The following MAST2 variants were observed in gnomAD, a reference collection of about 807,000 sequenced individuals.
MAST2 encodes the protein microtubule associated serine/threonine kinase 2.
Under a neutral mutation model 147.4 loss-of-function variants are expected in MAST2, and 70 were observed. That is an observed-to-expected ratio of 0.47 (90% CI 0.39 to 0.58). MAST2 has a LOEUF of 0.58. MAST2 is among the 20% of genes least tolerant of loss of function. MAST2 has a pLI of 0.00. For missense variants in MAST2, 2,080 were observed against 2,302.3 expected (o/e 0.90, Z 1.98); for synonymous variants, 869 against 896.8 (o/e 0.97, Z 0.55).
At chr1:45,977,060 T>C (rs1644190475) in intron 5 of MAST2, among the ~76,000 whole-genome samples, 1 of 152,246 alleles carries the variant, frequency 6.6e-6, no homozygotes, top group South Asian at 2.1e-4. Context: ...AGGTGAATTA[T>C]AATTTTAAAT....
chr1:45,952,373 GGGAGAATGGGAT>G (rs913330016), intron 4 of MAST2, among the ~76,000 whole-genome samples: 22 of 152,106 alleles, frequency 1.4e-4, no homozygotes, highest in Non-Finnish European at 2.9e-4. Flanking sequence ...GTTGGTTGTG[GGGAGAATGGGAT>G]GGAGAATGAC....
At chr1:45,996,819 C>G (rs1645075693) in intron 5 of MAST2, among the ~76,000 whole-genome samples, 1 of 152,086 alleles carries the variant, frequency 6.6e-6, no homozygotes, top group South Asian at 2.1e-4. Context: ...CATCCATACA[C>G]TGTGCAGGAA....
chr1:46,016,105 G>A (rs1645927953), intron 10 of MAST2, among the ~76,000 whole-genome samples: 1 of 151,420 alleles, frequency 6.6e-6, no homozygotes, highest in Non-Finnish European at 1.5e-5. Flanking sequence ...TGCAGAAAAG[G>A]CCTTTGACAA....
At chr1:45,820,417 G>A (rs1644585680) in intron 1 of MAST2, among the ~76,000 whole-genome samples, 1 of 152,056 alleles carries the variant, frequency 6.6e-6, no homozygotes, top group Non-Finnish European at 1.5e-5. Context: ...TTGCTATGGG[G>A]ATTACATGTA....
intron 4 of MAST2, 72 bp downstream of exon 4, chr1:45,882,467 T>G: frequency 8.4e-7 from 1 of 1,187,202 alleles, no homozygotes; most frequent in Admixed American, 1.8e-5. Flanking sequence ...CATTTCCCAC[T>G]ATCATGTGGA....
intron 3 of MAST2, among the ~76,000 whole-genome samples, chr1:45,878,679 T>G (rs1157702532): frequency 6.6e-6 from 1 of 152,068 alleles, no homozygotes; most frequent in East Asian, 1.9e-4. Context: ...AATATAAAAA[T>G]TAATTGAATT....
intron 16 of MAST2, 45 bp from the exon 17 acceptor site, chr1:46,027,686 G>A: frequency 6.3e-7 from 1 of 1,591,660 alleles, no homozygotes; most frequent in East Asian, 2.2e-5. Flanking sequence ...AGTACTCTCA[G>A]AAAACCAGGA....
rs550930038 is a variant in MAST2, at chr1:45,988,693, T to C, written c.593-9031T>C. Reference sequence around the variant, plus strand: ...TTATATCAGTATGAACTAATAGGTATTTATTATCTAGATCAGACTGTAATC... The same window carrying C: ...TTATATCAGTATGAACTAATAGGTACTTATTATCTAGATCAGACTGTAATC... On this transcript the variant is annotated intron_variant, in intron 5 of 28. Transcript: ENST00000361297. 3.2e-4 allele frequency among the ~76,000 whole-genome samples: 48 copies of C among 152,336 alleles called. 1 individual carries two copies. In the South Asian group the frequency reaches 8.7e-3, roughly 28 times the overall value.
At chr1:46,014,034 A>C (rs1354842690) in intron 10 of MAST2, among the ~76,000 whole-genome samples, 1 of 152,160 alleles carries the variant, frequency 6.6e-6, no homozygotes, top group Admixed American at 6.5e-5. Flanking sequence ...AATAATCCTA[A>C]TTAGGCATTC....
At chr1:45,994,982 G>C (rs1313187952) in intron 5 of MAST2, among the ~76,000 whole-genome samples, 1 of 151,990 alleles carries the variant, frequency 6.6e-6, no homozygotes, top group African/African-American at 2.4e-5. Flanking sequence ...GGGACTACAG[G>C]CGCCCGCCAC....
chr1:46,022,276 G>A (rs996282509), intron 12 of MAST2, among the ~76,000 whole-genome samples, 194 bp downstream of exon 12: 1 of 152,204 alleles, frequency 6.6e-6, no homozygotes, highest in Non-Finnish European at 1.5e-5. Flanking sequence ...GTTCACATCT[G>A]CCTGATAGAT....
At chr1:45,925,527 AAG>A (rs898630800) in intron 4 of MAST2, among the ~76,000 whole-genome samples, 4 of 152,152 alleles carry the variant, frequency 2.6e-5, no homozygotes, top group African/African-American at 9.7e-5. Flanking sequence ...GGTGTCCTTG[AAG>A]AGAGGAGGCA....
chr1:45,891,040 T>C (rs1647685602), intron 4 of MAST2, among the ~76,000 whole-genome samples: 1 of 152,142 alleles, frequency 6.6e-6, no homozygotes, highest in Non-Finnish European at 1.5e-5. Context: ...ATTAGCCAGT[T>C]CAAAGAAGTA....
intron 4 of MAST2, among the ~76,000 whole-genome samples, chr1:45,900,172 T>TTAAAAAAA (rs1557883401): frequency 3.4e-4 from 6 of 17,526 alleles, no homozygotes; most frequent in Admixed American, 2.6e-3. Flanking sequence ...TCTCTCTCTC[T>TTAAAAAAA]CAAAAAAAAA....
At chr1:46,002,661 G>A in intron 6 of MAST2, 144 bp from the exon 7 acceptor site, 1 of 666,210 alleles carries the variant, frequency 1.5e-6, no homozygotes, top group East Asian at 2.6e-5. Context: ...AGATATAAAA[G>A]CATGTACTGG....
At chr1:45,905,316 C>G (rs539946463) in intron 4 of MAST2, among the ~76,000 whole-genome samples, 1 of 151,760 alleles carries the variant, frequency 6.6e-6, no homozygotes, top group African/African-American at 2.4e-5. Flanking sequence ...TCCCAAGTAG[C>G]TGGGAGTACA....
At chr1:45,834,485 C>A (rs150122696) in intron 3 of MAST2, among the ~76,000 whole-genome samples, 525 of 152,124 alleles carry the variant, frequency 3.5e-3, no homozygotes, top group Middle Eastern at 0.01. Context: ...TATGTAGGAA[C>A]CATGATCCTA....
chr1:46,007,781 A>G (rs1256641966), intron 8 of MAST2, among the ~76,000 whole-genome samples: 1 of 152,206 alleles, frequency 6.6e-6, no homozygotes, highest in African/African-American at 2.4e-5. Flanking sequence ...CCTTCAGTAA[A>G]TCACCCAGAT....
intron 1 of MAST2, among the ~76,000 whole-genome samples, chr1:45,821,214 A>T (rs1288148798): frequency 1.3e-5 from 2 of 151,544 alleles, no homozygotes; most frequent in African/African-American, 4.9e-5. Context: ...TTTTTTCCTC[A>T]TTTTTGAAGG....
Sources: gnomAD v4.1 joint callset for allele counts (sites outside exome capture counted in the v4.1 genomes callset) on GRCh38, gnomAD v4.1.1 for gene constraint, MANE v1.5 for transcripts, NCBI Gene and HGNC (gene_info 2026-07-23, HGNC 2026-07-21) for gene names.